LPP: variants seen among roughly 807,000 people sequenced by gnomAD.
The protein encoded by LPP is LIM domain containing preferred translocation partner in lipoma, also known as lipoma-preferred partner.
A neutral mutation model predicts 60.4 loss-of-function variants in LPP; 38 were observed. That is an observed-to-expected ratio of 0.63 (90% CI 0.49 to 0.83). The LOEUF (loss-of-function observed/expected upper bound fraction) is 0.83, where lower values mean the gene tolerates loss of function less well. Ranked by LOEUF, LPP falls within the 40% of genes least tolerant of loss-of-function variation. The probability of loss-of-function intolerance (pLI) is 0.00; values close to 1 mark genes in which losing one functional copy is unlikely to be tolerated. For synonymous variants in LPP, 328 were observed against 290.8 expected, an observed-to-expected ratio of 1.13 and a Z score of -1.30; for missense variants, 902 against 783.6, an observed-to-expected ratio of 1.15 and a Z score of -1.80.
At chr3:188,843,345 G>A (rs1760514143) in intron 9 of LPP, among the ~76,000 whole-genome samples, 2 of 152,150 alleles carry the variant, frequency 1.3e-5, no homozygotes, top group African/African-American at 4.8e-5. Flanking sequence ...CCGAGAGTTA[G>A]GAGACTCGAG....
At chr3:188,726,016 G>A (rs539269627) in intron 8 of LPP, among the ~76,000 whole-genome samples, 7 of 152,212 alleles carry the variant, frequency 4.6e-5, no homozygotes, top group African/African-American at 1.7e-4. Flanking sequence ...AATGATTAGT[G>A]GCCAGATCAA....
Position 188,592,563 on chromosome 3 carries a change from T to TTTTTTTTTTTTGG in LPP, c.430-16598_430-16597insTTTTTTTTTTTGG. ...TGTTTTTAGTTTTGTTTTTGTTTTT[T>TTTTTTTTTTTTGG]AAATGGAGTCTCACTCTTTCTCCCA... On this transcript the variant is annotated intron_variant, in intron 6 of 11. Transcript: ENST00000617246. 7.8e-5 allele frequency among the ~76,000 whole-genome samples: 6 copies of TTTTTTTTTTTTGG among 77,220 alleles called. 1 individual carries two copies. Among genetic ancestry groups the TTTTTTTTTTTTGG allele is most frequent in the South Asian group, 1.2e-3 (2 of 1,674 alleles). 50.7% of individuals were successfully genotyped at this position (77,220 alleles called of 152,430 possible). A position where few individuals can be genotyped will look rare whatever the true frequency, so the allele number is the denominator to read the frequency against.
chr3:188,273,018 G>A (rs150190545), intron 2 of LPP, among the ~76,000 whole-genome samples: 226 of 152,330 alleles, frequency 1.5e-3, no homozygotes, highest in Middle Eastern at 6.8e-3. Flanking sequence ...AAGCTGTCCA[G>A]TGTCACATGG....
intron 3 of LPP, among the ~76,000 whole-genome samples, chr3:188,386,618 C>T (rs937880550): frequency 3.3e-5 from 5 of 152,212 alleles, no homozygotes; most frequent in Admixed American, 2.0e-4. Flanking sequence ...GAATTTTCCC[C>T]GAAGAATGAT....
chr3:188,498,400 C>CT, intron 5 of LPP, among the ~76,000 whole-genome samples: 1 of 152,238 alleles, frequency 6.6e-6, no homozygotes, highest in African/African-American at 2.4e-5. Context: ...CTCTCTGTCT[C>CT]TAAGATTTTA....
chr3:188,199,789 A>G (rs1444935829), intron 1 of LPP, among the ~76,000 whole-genome samples: 1 of 150,996 alleles, frequency 6.6e-6, no homozygotes, highest in Non-Finnish European at 1.5e-5. Context: ...ATCTTGGCTC[A>G]CTGCAACCTC....
chr3:188,296,801 G>A (rs1471264045), intron 2 of LPP, among the ~76,000 whole-genome samples: 4 of 152,222 alleles, frequency 2.6e-5, no homozygotes, highest in Non-Finnish European at 5.9e-5. Flanking sequence ...ATGAAGAGCA[G>A]GGAGGATCTG....
chr3:188,786,834 G>A (rs35046480), intron 9 of LPP, among the ~76,000 whole-genome samples: 21,271 of 152,142 alleles, frequency 0.14, 1,555 homozygotes, highest in Middle Eastern at 0.19. Flanking sequence ...ACCCCCAAAG[G>A]CTGCATACTG....
rs569473651 is a variant in LPP at position 188,700,229 on chromosome 3, C to T, written c.1114-8038C>T. Among the ~76,000 whole-genome samples the T allele has an allele frequency of 1.2e-4, 19 of 152,134 alleles. No homozygotes were observed. The South Asian group carries it at 1.9e-3, about 15-fold the overall frequency. ...TTTCCCGGTGTTTTATCCGCCTGAGCGGTGCTTTTCTGGTAAGGTTCAGAT... is the reference window on the plus strand; with the variant it reads ...TTTCCCGGTGTTTTATCCGCCTGAGTGGTGCTTTTCTGGTAAGGTTCAGAT... On this transcript the variant is annotated intron_variant, in intron 7 of 11. Transcript: ENST00000617246.
chr3:188,616,772 T>C (rs1844929629), intron 7 of LPP, among the ~76,000 whole-genome samples: 1 of 152,200 alleles, frequency 6.6e-6, no homozygotes. Flanking sequence ...TCTTCTCTAA[T>C]TTCTCTCATC....
At chr3:188,327,721 T>A (rs1758839564) in intron 2 of LPP, among the ~76,000 whole-genome samples, 1 of 152,146 alleles carries the variant, frequency 6.6e-6, no homozygotes, top group Admixed American at 6.5e-5. Context: ...TAGCAGCGTC[T>A]GAAAGTAGAG....
intron 6 of LPP, among the ~76,000 whole-genome samples, chr3:188,578,794 A>C (rs1429540882): frequency 6.6e-6 from 1 of 152,110 alleles, no homozygotes; most frequent in Non-Finnish European, 1.5e-5. Flanking sequence ...TGCTGCTATT[A>C]CACACAACAC....
At chr3:188,326,795 A>G (rs1758547657) in intron 2 of LPP, among the ~76,000 whole-genome samples, 1 of 151,770 alleles carries the variant, frequency 6.6e-6, no homozygotes, top group Admixed American at 6.6e-5. Flanking sequence ...ATTATATATC[A>G]TGGAGATCCT....
intron 1 of LPP, among the ~76,000 whole-genome samples, chr3:188,210,895 G>T (rs1345211374): frequency 6.6e-6 from 1 of 152,048 alleles, no homozygotes; most frequent in Non-Finnish European, 1.5e-5. Context: ...ACGCCCACCC[G>T]CTGAGGAGGG....
rs1346585349 is a variant in LPP, at chr3:188,883,454, C to T, written c.*8975C>T. On this transcript the variant is annotated 3_prime_UTR_variant, in exon 12 of 12. Transcript: ENST00000617246. ...ACCTTAAAAATGTTAGGAAATGGGC[C>T]GGGCGCGGTGGCTCGTGCCTGTAAT... 1 of 182,138 alleles carries T rather than the reference C, an allele frequency of 5.5e-6. No individual in the cohort carries two copies. Among genetic ancestry groups the T allele is most frequent in the African/African-American group, 2.6e-5 (1 of 38,964 alleles). The allele number at this position is 182,138 out of a possible 1,614,324, so 11.3% of individuals were successfully genotyped here. A position where few individuals can be genotyped will look rare whatever the true frequency, so the allele number is the denominator to read the frequency against.
intron 2 of LPP, among the ~76,000 whole-genome samples, chr3:188,258,152 C>T (rs530291309): frequency 1.3e-5 from 2 of 152,286 alleles, no homozygotes; most frequent in South Asian, 2.1e-4. Flanking sequence ...GGGAAAGAGA[C>T]CTGAAAAGGA....
At chr3:188,240,115 T>G (rs192366203) in intron 2 of LPP, 1 of 193,270 alleles carries the variant, frequency 5.2e-6, no homozygotes. Flanking sequence ...ATCTGTGACC[T>G]GGGATGATGG....
chr3:188,747,088 A>G lies in LPP; in HGVS notation c.1241-13025A>G, dbSNP rs139578528. Among the ~76,000 whole-genome samples, 369 of 152,300 alleles carry G rather than the reference A, an allele frequency of 2.4e-3. 1 individual carries two copies. The highest frequency in any genetic ancestry group is 8.5e-3 in the African/African-American group (353 of 41,572). ...TTTATAAAAGGGAGTCACAGAGAGA[A>G]AATGTGGCCAGCTCAGGTACATGGC... On this transcript the variant is annotated intron_variant, in intron 8 of 11. Transcript: ENST00000617246.
At chr3:188,691,575 C>T (rs1862135128) in intron 7 of LPP, among the ~76,000 whole-genome samples, 1 of 152,120 alleles carries the variant, frequency 6.6e-6, no homozygotes, top group Non-Finnish European at 1.5e-5. Flanking sequence ...TCCTACTTCT[C>T]CTGTTTGGTT....
Sources: allele counts gnomAD v4.1 joint callset (sites outside exome capture counted in the v4.1 genomes callset), GRCh38; gene constraint gnomAD v4.1.1; transcripts MANE v1.5; gene names NCBI Gene and HGNC (gene_info 2026-07-23, HGNC 2026-07-21).